Variants in FAM220A observed in about 807,000 individuals in gnomAD.
FAM220A encodes family with sequence similarity 220 member A.
For missense variants in FAM220A, 392 were observed against 321.6 expected, an observed-to-expected ratio of 1.22 and a Z score of -1.68; for synonymous variants, 141 against 130.7, an observed-to-expected ratio of 1.08 and a Z score of -0.54.
rs1028938558 is a variant in FAM220A at position 6,331,290 on chromosome 7, G to A, written c.-81-55C>T. ...AAATGAAGACACATGGGTCTTAAGA[G>A]CATCTACACCCACCAAATATTTCCT... On this transcript the variant is annotated intron_variant, in intron 1 of 1. Transcript: ENST00000313324. 7 of 756,244 alleles carry A rather than the reference G, an allele frequency of 9.3e-6. No homozygotes were observed. In the African/African-American group the frequency reaches 1.2e-4, roughly 13 times the overall value. 46.8% of individuals were successfully genotyped at this position (756,244 alleles called of 1,614,324 possible). A position where few individuals can be genotyped will look rare whatever the true frequency, so the allele number is the denominator to read the frequency against.
rs559612916 is a variant in FAM220A, at chr7:6,330,474, G to C, written c.681C>G (p.Phe227Leu). Residue 227 changes from phenylalanine to leucine, a missense_variant, in exon 2 of 2, where the codon TTC becomes TTG. By Grantham distance (22) the Phe-to-Leu change is conservative (BLOSUM62 0). Transcript: ENST00000313324. ...KPMFSKQTIE[F>L]KKMLKSTSDG... ...CTGAGGTGCTTTTAAGCATTTTCTT[G>C]AATTCTATTGTTTGCTTTGAAAACA... 1 of 1,614,126 alleles carries C rather than the reference G, an allele frequency of 6.2e-7. No homozygotes were observed. Among genetic ancestry groups the C allele is most frequent in the African/African-American group, 1.3e-5 (1 of 75,026 alleles).
chr7:6,348,920 G>A lies in FAM220A; in HGVS notation c.-429C>T, dbSNP rs1228818517. ...GCGGAGTCCGCACGTCACGCTCGGA[G>A]AAGTGCCTCCGCGAGCAGCCGCCTG... is the stretch of plus-strand genomic sequence containing the variant. On this transcript the variant is annotated 5_prime_UTR_variant, in exon 1 of 2. Coordinates refer to ENST00000313324, the MANE Select transcript of FAM220A (RefSeq NM_001037163.2). The A allele has an allele frequency of 1.3e-5, 5 of 384,764 alleles. No homozygotes were observed. Among genetic ancestry groups the A allele is most frequent in the African/African-American group, 2.1e-5 (1 of 47,956 alleles). The allele number at this position is 384,764 out of a possible 1,614,324, so 23.8% of individuals were successfully genotyped here.
At chr7:6,331,619 A>T (rs1035511463) in intron 1 of FAM220A, among the ~76,000 whole-genome samples, 1 of 151,884 alleles carries the variant, frequency 6.6e-6, no homozygotes, top group South Asian at 2.1e-4. Flanking sequence ...TGACCTCATG[A>T]TCCACTCGCC....
At position 6,331,024 on chromosome 7, in the gene FAM220A, G is replaced by T; in HGVS notation, c.131C>A (p.Pro44His). 1 of 1,614,066 alleles carries T rather than the reference G, an allele frequency of 6.2e-7. No homozygotes were observed. The highest frequency in any genetic ancestry group is 8.5e-7 in the Non-Finnish European group (1 of 1,180,036). The change falls in exon 2 of 2, where the codon CCC becomes CAC. Residue 44 changes from proline (P) to histidine (H), a missense_variant. By Grantham distance (77) the Pro-to-His change is moderately conservative. Transcript: ENST00000313324. Reference sequence around the variant, plus strand: ...AACCACAGGCTTATTCATCCAGGAGGGTGCATCTGCAGGCCAAGGGCCCTC... The same window carrying T: ...AACCACAGGCTTATTCATCCAGGAGTGTGCATCTGCAGGCCAAGGGCCCTC... ...MPEGPWPADA[P>H]SWMNKPVVDG...
chr7:6,339,642 C>G (rs1379494130), intron 1 of FAM220A, among the ~76,000 whole-genome samples: 2 of 151,940 alleles, frequency 1.3e-5, no homozygotes, highest in Non-Finnish European at 2.9e-5. Context: ...CGCCACCACG[C>G]CTGGGTAATG....
chr7:6,335,712 G>A (rs1218720751), intron 1 of FAM220A, among the ~76,000 whole-genome samples: 1 of 151,980 alleles, frequency 6.6e-6, no homozygotes, highest in East Asian at 1.9e-4. Flanking sequence ...ATAGAATTGT[G>A]ACCATTATTC....
At chr7:6,341,164 G>A (rs937343673) in intron 1 of FAM220A, among the ~76,000 whole-genome samples, 2 of 148,540 alleles carry the variant, frequency 1.3e-5, no homozygotes, top group Non-Finnish European at 3.0e-5. Flanking sequence ...ATGAGTGCTG[G>A]CCAGGCACAG....
chr7:6,347,718 C>T (rs1339408343), intron 1 of FAM220A, among the ~76,000 whole-genome samples: 1 of 151,826 alleles, frequency 6.6e-6, no homozygotes, highest in African/African-American at 2.4e-5. Flanking sequence ...TTTATCAAAA[C>T]GCTGTTAACT....
At chr7:6,337,073 C>CT (rs1223883811) in intron 1 of FAM220A, among the ~76,000 whole-genome samples, 2,566 of 144,862 alleles carry the variant, frequency 0.018, 66 homozygotes, top group African/African-American at 0.055. Context: ...TATTTTAATT[C>CT]TTTTTTTTTT....
At chr7:6,347,846 G>C (rs971059135) in intron 1 of FAM220A, among the ~76,000 whole-genome samples, 1 of 150,772 alleles carries the variant, frequency 6.6e-6, no homozygotes, top group Non-Finnish European at 1.5e-5. Context: ...TTGAGGCCAG[G>C]AGTTCGAGAC....
At chr7:6,339,641 G>A (rs1051957311) in intron 1 of FAM220A, among the ~76,000 whole-genome samples, 5 of 150,428 alleles carry the variant, frequency 3.3e-5, no homozygotes, top group African/African-American at 9.8e-5. Flanking sequence ...CCGCCACCAC[G>A]CCTGGGTAAT....
intron 1 of FAM220A, among the ~76,000 whole-genome samples, chr7:6,345,501 T>C (rs1474170749): frequency 1.3e-5 from 2 of 152,070 alleles, no homozygotes; most frequent in African/African-American, 4.8e-5. Flanking sequence ...GTGGATACAG[T>C]AGGGTAGACT....
intron 1 of FAM220A, 110 bp downstream of exon 1, chr7:6,348,463 T>C (rs1781998348): frequency 7.4e-6 from 3 of 403,276 alleles, no homozygotes; most frequent in Non-Finnish European, 1.3e-5. Flanking sequence ...TGCACGGTGC[T>C]TGACATACAC....
chr7:6,348,902 C>A lies in FAM220A; in HGVS notation c.-411G>T, dbSNP rs921828566. ...CGGGCGGGCCGCAGTGGAGCGGAGT[C>A]CGCACGTCACGCTCGGAGAAGTGCC... On this transcript the variant is annotated 5_prime_UTR_variant, in exon 1 of 2. Transcript: ENST00000313324. 1 of 387,014 alleles carries A rather than the reference C, an allele frequency of 2.6e-6. No homozygotes were observed. Among genetic ancestry groups the A allele is most frequent in the Non-Finnish European group, 4.6e-6 (1 of 219,204 alleles). 24.0% of individuals were successfully genotyped at this position (387,014 alleles called of 1,614,324 possible). A position where few individuals can be genotyped will look rare whatever the true frequency, so the allele number is the denominator to read the frequency against.
intron 1 of FAM220A, among the ~76,000 whole-genome samples, chr7:6,347,759 T>A (rs930219208): frequency 6.6e-6 from 1 of 151,776 alleles, no homozygotes; most frequent in African/African-American, 2.4e-5. Context: ...AAGGATAACA[T>A]AAAACGTCTA....
At chr7:6,338,145 C>A (rs939351597) in intron 1 of FAM220A, among the ~76,000 whole-genome samples, 2 of 152,180 alleles carry the variant, frequency 1.3e-5, no homozygotes, top group Non-Finnish European at 2.9e-5. Flanking sequence ...TTTTGGCTCA[C>A]AGCCCTCAAC....
At chr7:6,341,647 G>A (rs1583240683) in intron 1 of FAM220A, among the ~76,000 whole-genome samples, 3 of 147,160 alleles carry the variant, frequency 2.0e-5, no homozygotes, top group Admixed American at 6.9e-5. Context: ...CTGAGATCGC[G>A]CCACCGCACT....
At chr7:6,345,408 C>G (rs572113832) in intron 1 of FAM220A, among the ~76,000 whole-genome samples, 9 of 152,274 alleles carry the variant, frequency 5.9e-5, no homozygotes, top group East Asian at 1.9e-4. Context: ...AGCCACCACA[C>G]CCAGCCCTCG....
At chr7:6,338,048 C>T (rs1287049554) in intron 1 of FAM220A, among the ~76,000 whole-genome samples, 1 of 152,110 alleles carries the variant, frequency 6.6e-6, no homozygotes, top group Non-Finnish European at 1.5e-5. Context: ...AGGTGATCCA[C>T]CTGCCTCAGC....
Sources: gnomAD v4.1 joint callset for allele counts (sites outside exome capture counted in the v4.1 genomes callset) on GRCh38, gnomAD v4.1.1 for gene constraint, MANE v1.5 for transcripts, NCBI Gene and HGNC (gene_info 2026-07-23, HGNC 2026-07-21) for gene names.